ATP2C1: variants seen among roughly 807,000 people sequenced by gnomAD.
The protein encoded by ATP2C1 is ATPase secretory pathway Ca2+ transporting 1.
A neutral mutation model predicts 120.5 loss-of-function variants in ATP2C1; 31 were observed. That is an observed-to-expected ratio of 0.26 (90% CI 0.19 to 0.35). The LOEUF is 0.35. Ranked by LOEUF, ATP2C1 falls within the 10% of genes least tolerant of loss-of-function variation. The probability of loss-of-function intolerance (pLI) is 1.00; values close to 1 mark genes in which losing one functional copy is unlikely to be tolerated. For synonymous variants in ATP2C1, 351 were observed against 358.7 expected (o/e 0.98, Z 0.24); for missense variants, 731 against 1,107.5 (o/e 0.66, Z 4.83).
chr3:130,966,364 T>G (rs575577575), intron 14 of ATP2C1, among the ~76,000 whole-genome samples: 89 of 152,266 alleles, frequency 5.8e-4, no homozygotes, highest in African/African-American at 2.0e-3. Flanking sequence ...TCATGCTATA[T>G]GTAATGCATT....
At chr3:130,953,482 A>G (rs556184533) in intron 8 of ATP2C1, among the ~76,000 whole-genome samples, 2 of 152,296 alleles carry the variant, frequency 1.3e-5, no homozygotes, top group East Asian at 3.9e-4. Context: ...GTACTTGACA[A>G]AATTAGGAAA....
upstream of ATP2C1, among the ~76,000 whole-genome samples, chr3:130,893,168 TA>T (rs2069249944): frequency 6.6e-6 from 1 of 152,130 alleles, no homozygotes; most frequent in Non-Finnish European, 1.5e-5. Context: ...AAAAAGCACT[TA>T]TTAGGGGTCT....
At chr3:130,980,366 C>A (rs981642026) in intron 19 of ATP2C1, among the ~76,000 whole-genome samples, 1 of 151,834 alleles carries the variant, frequency 6.6e-6, no homozygotes, top group Non-Finnish European at 1.5e-5. Context: ...GCCTGAGCCA[C>A]CGTGGCCAGC....
upstream of ATP2C1, among the ~76,000 whole-genome samples, chr3:130,892,699 A>G (rs550980684): frequency 6.7e-6 from 1 of 149,530 alleles, no homozygotes; most frequent in African/African-American, 2.5e-5. Flanking sequence ...GAGGTGGATC[A>G]TAGTTAACTC....
intron 16 of ATP2C1, among the ~76,000 whole-genome samples, chr3:130,967,815 A>G (rs374161084): frequency 2.0e-5 from 3 of 151,938 alleles, no homozygotes; most frequent in East Asian, 3.8e-4. Context: ...AGTCATGAGA[A>G]AATAGCTTTG....
chr3:131,006,716 T>A (rs2063132635), downstream of ATP2C1, among the ~76,000 whole-genome samples: 1 of 150,938 alleles, frequency 6.6e-6, no homozygotes, highest in Non-Finnish European at 1.5e-5. Context: ...AGGGTGTTGC[T>A]CTGTAGTGTG....
intron 1 of ATP2C1, among the ~76,000 whole-genome samples, chr3:130,856,481 A>C (rs1323759705): frequency 6.6e-6 from 1 of 152,080 alleles, no homozygotes; most frequent in Non-Finnish European, 1.5e-5. Context: ...TGATTTAAGA[A>C]ATGTTTTTAG....
At chr3:130,870,078 T>A (rs995763854) in intron 1 of ATP2C1, among the ~76,000 whole-genome samples, 8 of 152,198 alleles carry the variant, frequency 5.3e-5, no homozygotes, top group African/African-American at 1.7e-4. Context: ...CTACTTTGCT[T>A]GTGCTCTATC....
upstream of ATP2C1, chr3:130,893,931 T>G: frequency 1.0e-6 from 1 of 985,682 alleles, no homozygotes; most frequent in Non-Finnish European, 1.2e-6. Context: ...CACTTCCGCC[T>G]TCCCAGCCCG....
intron 2 of ATP2C1, among the ~76,000 whole-genome samples, chr3:130,928,997 AG>A (rs778204600): frequency 4.6e-5 from 7 of 152,186 alleles, no homozygotes; most frequent in Non-Finnish European, 8.8e-5. Context: ...ATTTGAAATA[AG>A]GGCATTTCAG....
At chr3:130,928,974 G>C (rs2059335900) in intron 2 of ATP2C1, among the ~76,000 whole-genome samples, 1 of 152,096 alleles carries the variant, frequency 6.6e-6, no homozygotes, top group Non-Finnish European at 1.5e-5. Flanking sequence ...CCCTGTCCTA[G>C]TTTGTTTTAT....
At chr3:130,937,581 C>A in intron 6 of ATP2C1, 118 bp downstream of exon 6, 2 of 843,998 alleles carry the variant, frequency 2.4e-6, no homozygotes, top group Non-Finnish European at 4.0e-6. Context: ...ACAACTTATT[C>A]TTTGTTTTTC....
intron 3 of ATP2C1, among the ~76,000 whole-genome samples, chr3:130,931,803 C>G (rs2059460145): frequency 6.6e-6 from 1 of 152,016 alleles, no homozygotes; most frequent in Non-Finnish European, 1.5e-5. Flanking sequence ...ACATTTTTAT[C>G]ACTCCAGAAA....
downstream of ATP2C1, among the ~76,000 whole-genome samples, chr3:131,006,405 G>C (rs372021649): frequency 6.6e-6 from 1 of 152,028 alleles, no homozygotes; most frequent in East Asian, 1.9e-4. Flanking sequence ...AGCCACCACG[G>C]TTGGCCTGTT....
At chr3:131,012,237 G>T (rs1187578635) in intron 26 of ATP2C1, among the ~76,000 whole-genome samples, 5 of 149,916 alleles carry the variant, frequency 3.3e-5, no homozygotes, top group Non-Finnish European at 5.9e-5. Context: ...TATAACAACG[G>T]TCTTACATGG....
chr3:130,967,821 CTT>C (rs60502190), intron 16 of ATP2C1, among the ~76,000 whole-genome samples: 2,686 of 152,218 alleles, frequency 0.018, 82 homozygotes, highest in African/African-American at 0.061. Context: ...GAGAAAATAG[CTT>C]TGTTTTCCCA....
intron 1 of ATP2C1, among the ~76,000 whole-genome samples, chr3:130,866,319 A>T (rs149276533): frequency 6.6e-6 from 1 of 152,318 alleles, no homozygotes; most frequent in East Asian, 1.9e-4. Context: ...ATTTGTGTGT[A>T]ATATACTTGA....
intron 24 of ATP2C1, among the ~76,000 whole-genome samples, chr3:130,997,305 G>T (rs543125963): frequency 3.9e-5 from 6 of 152,118 alleles, no homozygotes; most frequent in Non-Finnish European, 8.8e-5. Context: ...AATTCAGTCG[G>T]TAGGTCATGT....
At chr3:130,859,405 A>T (rs759633067) in intron 1 of ATP2C1, among the ~76,000 whole-genome samples, 1 of 152,208 alleles carries the variant, frequency 6.6e-6, no homozygotes, top group Non-Finnish European at 1.5e-5. Context: ...CCACTTAACT[A>T]CTTCTAATCC....
Sources: gnomAD v4.1 joint callset for allele counts (sites outside exome capture counted in the v4.1 genomes callset) on GRCh38, gnomAD v4.1.1 for gene constraint, MANE v1.5 for transcripts, NCBI Gene and HGNC (gene_info 2026-07-23, HGNC 2026-07-21) for gene names.